The following NRG1 variants were observed in gnomAD, a reference collection of about 807,000 sequenced individuals.
NRG1 encodes neuregulin 1.
NRG1 carries 18 observed loss-of-function variants against 63.8 expected under a neutral mutation model. That is an observed-to-expected ratio of 0.28 (90% CI 0.19 to 0.42). The LOEUF is 0.42. Ranked by LOEUF, NRG1 falls within the 10% of genes least tolerant of loss-of-function variation. The pLI is 1.00. For missense variants in NRG1, 762 were observed against 814.7 expected, an observed-to-expected ratio of 0.94 and a Z score of 0.79; for synonymous variants, 302 against 301.3, an observed-to-expected ratio of 1.00 and a Z score of -0.02.
At chr8:32,226,411 G>T (rs556345666) in intron 1 of NRG1, among the ~76,000 whole-genome samples, 5 of 152,204 alleles carry the variant, frequency 3.3e-5, no homozygotes, top group African/African-American at 1.2e-4. Flanking sequence ...GACATTTTGG[G>T]TAACTACTAT....
exon 1 of NRG1, chr8:32,548,810 G>T (rs776218703): frequency 1.8e-5 from 28 of 1,574,346 alleles, no homozygotes; most frequent in Non-Finnish European, 1.7e-6. Context: ...AGTCCGCGGC[G>T]GGCAGCCAGA....
chr8:32,294,054 G>C (rs1854549396), intron 1 of NRG1, among the ~76,000 whole-genome samples: 1 of 151,882 alleles, frequency 6.6e-6, no homozygotes, highest in Non-Finnish European at 1.5e-5. Context: ...TCCATGCTGG[G>C]GGAACACCCT....
chr8:31,768,918 C>T (rs1430710867), intron 1 of NRG1, among the ~76,000 whole-genome samples: 1 of 152,168 alleles, frequency 6.6e-6, no homozygotes, highest in Non-Finnish European at 1.5e-5. Context: ...CACCAGCTAC[C>T]TTCAATAGTG....
At chr8:32,449,288 C>G (rs1462794218) in intron 1 of NRG1, among the ~76,000 whole-genome samples, 1 of 151,728 alleles carries the variant, frequency 6.6e-6, no homozygotes, top group African/African-American at 2.4e-5. Flanking sequence ...CAGAGCAAGA[C>G]CTTGTCTCAA....
At chr8:32,179,787 A>C (rs537142798) in intron 1 of NRG1, among the ~76,000 whole-genome samples, 1 of 152,284 alleles carries the variant, frequency 6.6e-6, no homozygotes, top group African/African-American at 2.4e-5. Flanking sequence ...AGTGCCTTGT[A>C]TCATTTTACT....
chr8:31,928,776 A>G (rs1260072353), intron 1 of NRG1, among the ~76,000 whole-genome samples: 1 of 152,222 alleles, frequency 6.6e-6, no homozygotes, highest in African/African-American at 2.4e-5. Flanking sequence ...TCAGGAATCA[A>G]AAATCAGATA....
chr8:31,744,353 A>C (rs1431759180), intron 1 of NRG1, among the ~76,000 whole-genome samples: 1 of 152,012 alleles, frequency 6.6e-6, no homozygotes, highest in East Asian at 1.9e-4. Flanking sequence ...GGGAACCTAA[A>C]AGTACTTTCA....
downstream of NRG1, among the ~76,000 whole-genome samples, chr8:32,768,676 G>T (rs1392750285): frequency 6.6e-6 from 1 of 152,134 alleles, no homozygotes. Context: ...CTAAACAAAA[G>T]CCATATTTTA....
chr8:32,158,239 A>G (rs1298127330), intron 1 of NRG1, among the ~76,000 whole-genome samples: 1 of 151,442 alleles, frequency 6.6e-6, no homozygotes, highest in Non-Finnish European at 1.5e-5. Context: ...CTTCACAACT[A>G]GGGTTGGTCA....
chr8:31,826,981 G>T (rs574769143), intron 1 of NRG1, among the ~76,000 whole-genome samples: 1 of 152,260 alleles, frequency 6.6e-6, no homozygotes, highest in African/African-American at 2.4e-5. Context: ...AAGGAAGATT[G>T]TTCATTGGGC....
intron 1 of NRG1, among the ~76,000 whole-genome samples, chr8:31,876,058 C>T (rs1829892174): frequency 6.6e-6 from 1 of 151,626 alleles, no homozygotes; most frequent in Non-Finnish European, 1.5e-5. Context: ...AACAAACAAA[C>T]AAACAAACAA....
intron 2 of NRG1, among the ~76,000 whole-genome samples, chr8:32,604,811 G>A (rs191912768): frequency 1.2e-4 from 18 of 151,946 alleles, no homozygotes; most frequent in Admixed American, 5.3e-4. Context: ...CTTGGAGACT[G>A]CTTAAATTAT....
At chr8:32,215,898 C>T (rs897761528) in intron 1 of NRG1, among the ~76,000 whole-genome samples, 1 of 151,872 alleles carries the variant, frequency 6.6e-6, no homozygotes, top group African/African-American at 2.4e-5. Flanking sequence ...AAAAACTAGC[C>T]AGGCTGGTGG....
chr8:31,683,600 T>C (rs981922849), intron 1 of NRG1, among the ~76,000 whole-genome samples: 2 of 152,200 alleles, frequency 1.3e-5, no homozygotes, highest in Non-Finnish European at 2.9e-5. Context: ...CTATTTTTTA[T>C]GATTCTGAAA....
upstream of NRG1, chr8:32,548,237 G>T: frequency 1.0e-6 from 1 of 984,872 alleles, no homozygotes; most frequent in South Asian, 4.7e-5. Context: ...CGAAGGAGGC[G>T]CCTGCCTCCA....
chr8:31,654,080 T>A (rs1219754192), intron 1 of NRG1, among the ~76,000 whole-genome samples: 3 of 152,236 alleles, frequency 2.0e-5, no homozygotes, highest in African/African-American at 7.2e-5. Context: ...CCACCATTTT[T>A]AATCACTTTT....
At chr8:32,244,775 T>G (rs1429050418) in intron 1 of NRG1, among the ~76,000 whole-genome samples, 1 of 152,186 alleles carries the variant, frequency 6.6e-6, no homozygotes, top group African/African-American at 2.4e-5. Context: ...TGTCGTAACA[T>G]CACCTAAACC....
intron 1 of NRG1, among the ~76,000 whole-genome samples, chr8:32,574,968 A>G (rs1839341085): frequency 1.3e-5 from 2 of 152,194 alleles, no homozygotes; most frequent in Admixed American, 1.3e-4. Context: ...TCAACCTTGA[A>G]AGCATGGAGT....
Position 31,755,790 on chromosome 8 carries a change from A to G in NRG1, c.37+116359A>G, listed in dbSNP as rs1393949. On this transcript the variant is annotated intron_variant, in intron 1 of 10. Coordinates refer to the NRG1 transcript ENST00000519301. ...GAGAGAGAGAGAATTCCTACTCTGC[A>G]TTCTACCCCATCACCAACTGCAATG... is the stretch of plus-strand genomic sequence containing the variant. Among the ~76,000 whole-genome samples the G allele has an allele frequency of 8.3e-3, 1,261 of 152,218 alleles. 10 individuals carry two copies. Among genetic ancestry groups the G allele is most frequent in the African/African-American group, 0.029 (1,200 of 41,566 alleles).
Sources: gnomAD v4.1 joint callset for allele counts (sites outside exome capture counted in the v4.1 genomes callset) on GRCh38, gnomAD v4.1.1 for gene constraint, MANE v1.5 for transcripts, NCBI Gene and HGNC (gene_info 2026-07-23, HGNC 2026-07-21) for gene names.